UNC80: variants seen among roughly 807,000 people sequenced by gnomAD.
The protein encoded by UNC80 is protein unc-80 homolog.
Under a neutral mutation model 384.6 loss-of-function variants are expected in UNC80, and 164 were observed. That is an observed-to-expected ratio of 0.43 (90% CI 0.38 to 0.49). The LOEUF is 0.49. UNC80 is among the 20% of genes least tolerant of loss of function. The pLI, the probability that UNC80 is intolerant of heterozygous loss-of-function variation, is 0.00. For synonymous variants in UNC80, 1,486 were observed against 1,527.8 expected, an observed-to-expected ratio of 0.97 and a Z score of 0.64; for missense variants, 3,330 against 4,143.0, an observed-to-expected ratio of 0.80 and a Z score of 5.39.
At chr2:209,783,765 G>T (rs2077275023) in intron 4 of UNC80, among the ~76,000 whole-genome samples, 1 of 152,098 alleles carries the variant, frequency 6.6e-6, no homozygotes, top group Non-Finnish European at 1.5e-5. Flanking sequence ...ACATGGAAAA[G>T]GACTGAACTC....
chr2:209,860,876 T>C (rs907755268), intron 22 of UNC80, among the ~76,000 whole-genome samples: 1 of 152,216 alleles, frequency 6.6e-6, no homozygotes, highest in Non-Finnish European at 1.5e-5. Context: ...AAGGAATGTT[T>C]GTGATTTTTG....
chr2:209,810,659 A>C lies in UNC80; in HGVS notation c.939-2921A>C, dbSNP rs1336337382. 2.6e-5 allele frequency among the ~76,000 whole-genome samples: 4 copies of C among 152,164 alleles called. No individual in the cohort carries two copies. In the East Asian group the frequency reaches 5.8e-4, roughly 22 times the overall value. On this transcript the variant is annotated intron_variant, in intron 7 of 64. Coordinates refer to ENST00000673920, the MANE Select transcript of UNC80 (RefSeq NM_001371986.1). ...TTTGAAGTAATTTATGGAACTCCCT[A>C]ATCTAATTTACTAACTAGAAACATT...
At chr2:209,826,368 G>A (rs1375775172) in intron 14 of UNC80, among the ~76,000 whole-genome samples, 8 of 152,200 alleles carry the variant, frequency 5.3e-5, no homozygotes, top group Non-Finnish European at 1.0e-4. Flanking sequence ...AATACATTTA[G>A]CAAGCTTTTG....
intron 22 of UNC80, among the ~76,000 whole-genome samples, chr2:209,866,768 A>T (rs1456841867): frequency 6.6e-6 from 1 of 152,154 alleles, no homozygotes; most frequent in Non-Finnish European, 1.5e-5. Context: ...TAATTCCTTC[A>T]TCATACTTTC....
chr2:209,934,915 C>T (rs2091142047), intron 39 of UNC80, among the ~76,000 whole-genome samples: 1 of 152,078 alleles, frequency 6.6e-6, no homozygotes, highest in Non-Finnish European at 1.5e-5. Context: ...AGCAAAGAAA[C>T]TCCTATTTTT....
In UNC80 at chr2:209,978,594, G is replaced by A. The variant is rs1256611606; in HGVS notation, c.9004G>A (p.Ala3002Thr). 1.3e-6 allele frequency: 2 copies of A among 1,551,414 alleles called. No individual in the cohort carries two copies. Among genetic ancestry groups the A allele is most frequent in the Admixed American group, 3.9e-5 (2 of 51,000 alleles). The change falls in exon 59 of 65, where the codon GCC becomes ACC. Residue 3002 changes from alanine (A) to threonine (T), a missense_variant. By Grantham distance (58) the Ala-to-Thr change is moderately conservative. This residue lies in a region of UNC80 where 216 missense variants were observed against 245.3 expected (regional missense o/e 0.88). Transcript: ENST00000673920. Reference sequence around the variant, plus strand: ...CACCTCTGCTTACCGCCTGAGCTTGGCCACCATGTCCCGCTCTAACACGGG... The same window carrying A: ...CACCTCTGCTTACCGCCTGAGCTTGACCACCATGTCCCGCTCTAACACGGG... ...TSTSAYRLSL[A>T]TMSRSNTGTG...
Position 209,920,830 on chromosome 2 carries a change from C to CT in UNC80, c.5344-655dup, listed in dbSNP as rs869121048. Among the ~76,000 whole-genome samples, 1,324 of 142,708 alleles carry CT rather than the reference C, an allele frequency of 9.3e-3. 10 individuals are homozygous for CT. Among genetic ancestry groups the CT allele is most frequent in the African/African-American group, 0.025 (969 of 39,148 alleles). 93.6% of individuals were successfully genotyped at this position (142,708 alleles called of 152,430 possible). On this transcript the variant is annotated intron_variant, in intron 33 of 64. Coordinates refer to ENST00000673920, the MANE Select transcript of UNC80 (RefSeq NM_001371986.1). ...TTAACCTTATGAAATAAATGTTCTT[C>CT]TTTTTTTTTTTTTTTGAGACAGGGT...
intron 35 of UNC80, among the ~76,000 whole-genome samples, chr2:209,925,119 A>G (rs755133678): frequency 4.0e-5 from 6 of 151,728 alleles, no homozygotes; most frequent in Non-Finnish European, 7.4e-5. Context: ...TTTTTAATAC[A>G]TGCTCCTCAA....
intron 44 of UNC80, among the ~76,000 whole-genome samples, chr2:209,942,996 C>A (rs2091725820): frequency 6.6e-6 from 1 of 152,056 alleles, no homozygotes; most frequent in African/African-American, 2.4e-5. Flanking sequence ...AAAATTACTG[C>A]ACAGCATTCT....
chr2:209,881,644 C>T (rs1408039815), intron 25 of UNC80, among the ~76,000 whole-genome samples: 1 of 152,084 alleles, frequency 6.6e-6, no homozygotes, highest in Non-Finnish European at 1.5e-5. Context: ...CACACACACA[C>T]ACACACATGC....
At chr2:209,803,057 C>T (rs970255185) in intron 7 of UNC80, among the ~76,000 whole-genome samples, 4 of 152,190 alleles carry the variant, frequency 2.6e-5, no homozygotes, top group Non-Finnish European at 5.9e-5. Flanking sequence ...TTCCAGTCTG[C>T]TAATACAGTG....
chr2:209,959,303 G>C (rs1162935103), intron 50 of UNC80, 149 bp downstream of exon 50: 2 of 1,181,984 alleles, frequency 1.7e-6, no homozygotes, highest in Non-Finnish European at 2.4e-6. Flanking sequence ...CTACAGTTTG[G>C]GATGACAGTC....
intron 12 of UNC80, 55 bp downstream of exon 12, chr2:209,819,316 C>G: frequency 1.4e-6 from 2 of 1,476,660 alleles, no homozygotes; most frequent in Non-Finnish European, 1.8e-6. Flanking sequence ...TTATTTGGTG[C>G]ATTTTTGCAA....
At chr2:209,923,317 A>G (rs2090181401) in intron 35 of UNC80, among the ~76,000 whole-genome samples, 1 of 152,176 alleles carries the variant, frequency 6.6e-6, no homozygotes, top group African/African-American at 2.4e-5. Flanking sequence ...GTCTAATCCA[A>G]GGTCACAAAG....
chr2:209,856,170 AAAGT>A (rs2082901935), intron 22 of UNC80, among the ~76,000 whole-genome samples: 1 of 152,110 alleles, frequency 6.6e-6, no homozygotes, highest in African/African-American at 2.4e-5. Context: ...GTGGTGCTTT[AAAGT>A]AATAACCTTT....
Position 209,962,868 on chromosome 2 carries a change from T to C in UNC80, c.7805+3161T>C, listed in dbSNP as rs77316523. The stretch of plus-strand genomic sequence containing the variant: ...TGTGTAAAAGTTGGAGCTTAATATA[T>C]AAATTTGCGAATTGAGGGTAGTATT... On this transcript the variant is annotated intron_variant, in intron 51 of 64. Transcript: ENST00000673920. Among the ~76,000 whole-genome samples the C allele has an allele frequency of 2.0e-4, 30 of 152,340 alleles. No individual in the cohort carries two copies. The East Asian group carries it at 5.8e-3, about 29-fold the overall frequency.
At chr2:209,873,749 C>A (rs1223617818) in intron 23 of UNC80, among the ~76,000 whole-genome samples, 1 of 152,180 alleles carries the variant, frequency 6.6e-6, no homozygotes, top group East Asian at 1.9e-4. Flanking sequence ...GTTACAATTT[C>A]CGTTAATAAT....
At chr2:209,777,667 G>A (rs996804115) in intron 4 of UNC80, 108 bp downstream of exon 4, 43 of 1,186,564 alleles carry the variant, frequency 3.6e-5, no homozygotes, top group Non-Finnish European at 4.6e-5. Context: ...TGACCTTACA[G>A]CAAGTCAAGG....
chr2:209,819,874 T>C (rs1297686459), intron 12 of UNC80, among the ~76,000 whole-genome samples: 3 of 152,200 alleles, frequency 2.0e-5, no homozygotes, highest in Non-Finnish European at 4.4e-5. Flanking sequence ...TGAATAATGA[T>C]ACAGTCATGA....
Sources: allele counts gnomAD v4.1 joint callset (sites outside exome capture counted in the v4.1 genomes callset), GRCh38; gene constraint gnomAD v4.1.1; regional missense constraint gnomAD v4.1.1; transcripts MANE v1.5; gene names NCBI Gene and HGNC (gene_info 2026-07-23, HGNC 2026-07-21).